RALGAPA1: variants seen among roughly 807,000 people sequenced by gnomAD.
RALGAPA1 encodes Ral GTPase activating protein catalytic subunit alpha 1.
A neutral mutation model predicts 269.6 loss-of-function variants in RALGAPA1; 52 were observed. That is an observed-to-expected ratio of 0.19 (90% CI 0.15 to 0.24). RALGAPA1 has a LOEUF of 0.24. RALGAPA1 is among the 10% of genes least tolerant of loss of function. The pLI is 1.00. For synonymous variants in RALGAPA1, 817 were observed against 1,008.3 expected (o/e 0.81, Z 3.60); for missense variants, 1,917 against 3,013.9 (o/e 0.64, Z 8.52).
intron 19 of RALGAPA1, 36 bp from the exon 20 acceptor site, chr14:35,685,181 A>G (rs57357096): frequency 1.3e-6 from 2 of 1,524,418 alleles, no homozygotes; most frequent in East Asian, 2.5e-5. Flanking sequence ...ATTAAGAAAA[A>G]GCTTTTATTC....
At chr14:35,739,803 A>G (rs1257425303) in intron 11 of RALGAPA1, among the ~76,000 whole-genome samples, 1 of 152,162 alleles carries the variant, frequency 6.6e-6, no homozygotes, top group Admixed American at 6.5e-5. Flanking sequence ...CCTTGCCTAC[A>G]GACTGACCTA....
At chr14:35,612,426 T>A (rs2059996536) in intron 35 of RALGAPA1, among the ~76,000 whole-genome samples, 1 of 139,104 alleles carries the variant, frequency 7.2e-6, no homozygotes, top group Admixed American at 7.0e-5. Context: ...AAAAATTGAA[T>A]CAAATGACTC....
chr14:35,701,846 G>A lies in RALGAPA1; in HGVS notation c.2267-1544C>T, dbSNP rs111310339. 4.0e-4 allele frequency among the ~76,000 whole-genome samples: 60 copies of A among 151,898 alleles called. 2 individuals carry two copies. The highest frequency in any genetic ancestry group is 1.1e-3 in the African/African-American group (47 of 41,406). On this transcript the variant is annotated intron_variant, in intron 16 of 41. Coordinates refer to ENST00000680220, the MANE Select transcript of RALGAPA1 (RefSeq NM_001346249.2). ...CTATTTTTAGTGGAAACAAGGTCTCGCTATGGTATCCAGGCTGGTGTCGAA... is the reference window on the plus strand; with the variant it reads ...CTATTTTTAGTGGAAACAAGGTCTCACTATGGTATCCAGGCTGGTGTCGAA...
At chr14:35,792,714 T>C (rs1346479460) in intron 1 of RALGAPA1, among the ~76,000 whole-genome samples, 1 of 141,304 alleles carries the variant, frequency 7.1e-6, no homozygotes. Flanking sequence ...ACCCGGCAAG[T>C]AGAGGTTGCA....
intron 31 of RALGAPA1, among the ~76,000 whole-genome samples, chr14:35,640,335 AT>A: frequency 1.3e-5 from 2 of 152,248 alleles, no homozygotes; most frequent in South Asian, 2.1e-4. Flanking sequence ...AAAAGATAAA[AT>A]TGACAAACCT....
chr14:35,555,942 T>C (rs1324941715), intron 39 of RALGAPA1, among the ~76,000 whole-genome samples: 1 of 152,222 alleles, frequency 6.6e-6, no homozygotes, highest in Non-Finnish European at 1.5e-5. Flanking sequence ...CTGGCAATTT[T>C]TGAAAGATGT....
intron 27 of RALGAPA1, among the ~76,000 whole-genome samples, chr14:35,661,885 A>T (rs1195947068): frequency 6.8e-6 from 1 of 146,816 alleles, no homozygotes; most frequent in African/African-American, 2.7e-5. Context: ...AGAGATTTGT[A>T]AACAAACAAT....
chr14:35,570,821 C>A (rs2057129645), intron 38 of RALGAPA1, 77 bp from the exon 39 acceptor site: 1 of 1,333,854 alleles, frequency 7.5e-7, no homozygotes. Flanking sequence ...AGACACTTTG[C>A]ATCCAAAAGT....
At chr14:35,748,063 C>T (rs2072290977) in intron 10 of RALGAPA1, among the ~76,000 whole-genome samples, 1 of 151,598 alleles carries the variant, frequency 6.6e-6, no homozygotes, top group Admixed American at 6.6e-5. Flanking sequence ...AATAATTTTA[C>T]CATAGTTTAT....
At chr14:35,573,340 G>A (rs2139489900) in intron 37 of RALGAPA1, among the ~76,000 whole-genome samples, 1 of 152,178 alleles carries the variant, frequency 6.6e-6, no homozygotes, top group South Asian at 2.1e-4. Context: ...ATGCCCTTTA[G>A]TCTTAAGTTT....
At position 35,738,686 on chromosome 14, in the gene RALGAPA1, C is replaced by T. The variant is rs759059240; in HGVS notation, c.1450-36G>A. On this transcript the variant is annotated intron_variant, in intron 11 of 41. Transcript: ENST00000680220. ...ATATCAAGTTTTTAATATTTCATTACTAAGAATGCTGCAACTAGTCAGTTA... is the reference window on the plus strand; with the variant it reads ...ATATCAAGTTTTTAATATTTCATTATTAAGAATGCTGCAACTAGTCAGTTA... The T allele has an allele frequency of 1.9e-6, 3 of 1,551,800 alleles. No homozygotes were observed. In the South Asian group the frequency reaches 3.5e-5, roughly 18 times the overall value.
rs1383909999 is a variant in RALGAPA1, at chr14:35,689,817, T to C, written c.2594A>G (p.Asp865Gly). ...GCTTGGTGCATGACGGGATGAACTGTCAATGACAGGAACTGCACCTTTGGC... is the reference window on the plus strand; with the variant it reads ...GCTTGGTGCATGACGGGATGAACTGCCAATGACAGGAACTGCACCTTTGGC... ...ERAKGAVPVI[D>G]SSSRHAPSLQ... Residue 865 changes from aspartate to glycine, a missense_variant, in exon 18 of 42, where the codon GAC becomes GGC. Transcript: ENST00000680220. 5.7e-6 allele frequency: 9 copies of C among 1,576,886 alleles called. No individual in the cohort carries two copies. Among genetic ancestry groups the C allele is most frequent in the Non-Finnish European group, 7.7e-6 (9 of 1,168,174 alleles).
At chr14:35,653,675 T>C (rs578173121) in intron 30 of RALGAPA1, among the ~76,000 whole-genome samples, 4 of 152,002 alleles carry the variant, frequency 2.6e-5, no homozygotes, top group South Asian at 4.2e-4. Flanking sequence ...GTATGTGATA[T>C]GGTAAGAGCC....
At chr14:35,695,906 G>T (rs1346517352) in intron 17 of RALGAPA1, among the ~76,000 whole-genome samples, 1 of 152,102 alleles carries the variant, frequency 6.6e-6, no homozygotes, top group Non-Finnish European at 1.5e-5. Flanking sequence ...ATTATCAAAG[G>T]CCAATGAGAG....
chr14:35,734,314 G>A (rs951571782), intron 12 of RALGAPA1, among the ~76,000 whole-genome samples: 3 of 152,052 alleles, frequency 2.0e-5, no homozygotes, highest in South Asian at 2.1e-4. Flanking sequence ...ATACTGTAAG[G>A]CCATGGTCAC....
At chr14:35,605,236 A>C (rs2059526610) in intron 36 of RALGAPA1, among the ~76,000 whole-genome samples, 1 of 152,084 alleles carries the variant, frequency 6.6e-6, no homozygotes, top group Non-Finnish European at 1.5e-5. Flanking sequence ...TAATTTCCTC[A>C]AAACTGTGTA....
At position 35,808,990 on chromosome 14, in the gene RALGAPA1, T is replaced by C. The variant is rs976547022; in HGVS notation, c.-155A>G. 5.5e-5 allele frequency: 78 copies of C among 1,408,358 alleles called. No individual in the cohort carries two copies. The highest frequency in any genetic ancestry group is 7.2e-5 in the African/African-American group (5 of 69,116). 87.2% of individuals were successfully genotyped at this position (1,408,358 alleles called of 1,614,324 possible). A position where few individuals can be genotyped will look rare whatever the true frequency, so the allele number is the denominator to read the frequency against. On this transcript the variant is annotated 5_prime_UTR_variant, in exon 1 of 42. Coordinates refer to ENST00000680220, the MANE Select transcript of RALGAPA1 (RefSeq NM_001346249.2). The stretch of plus-strand genomic sequence containing the variant: ...CAGGGCAGAGCCGACTCCTTCCCGA[T>C]CCAGGCCAGGGCCGCCACCTCCACC...
rs981973354 is a variant in RALGAPA1 at position 35,690,088 on chromosome 14, T to C, written c.2408-85A>G. On this transcript the variant is annotated intron_variant, in intron 17 of 41. Transcript: ENST00000680220. ...AATTTCAATAATGCTCTAAAGCATATGCTTTAAAAAAAATCTGAGTTTTTG... is the reference window on the plus strand; with the variant it reads ...AATTTCAATAATGCTCTAAAGCATACGCTTTAAAAAAAATCTGAGTTTTTG... 7.9e-6 allele frequency: 8 copies of C among 1,006,484 alleles called. No homozygotes were observed. In the African/African-American group the frequency reaches 1.0e-4, roughly 13 times the overall value. 62.3% of individuals were successfully genotyped at this position (1,006,484 alleles called of 1,614,324 possible). A position where few individuals can be genotyped will look rare whatever the true frequency, so the allele number is the denominator to read the frequency against.
chr14:35,619,235 A>G (rs1267027875), intron 35 of RALGAPA1, among the ~76,000 whole-genome samples: 1 of 152,160 alleles, frequency 6.6e-6, no homozygotes, highest in Non-Finnish European at 1.5e-5. Context: ...ATAAATAAAT[A>G]AAAGAGTACA....
Sources: allele counts gnomAD v4.1 joint callset (sites outside exome capture counted in the v4.1 genomes callset), GRCh38; gene constraint gnomAD v4.1.1; transcripts MANE v1.5; gene names NCBI Gene and HGNC (gene_info 2026-07-23, HGNC 2026-07-21).